The following CDH18 variants were observed in gnomAD, a reference collection of about 807,000 sequenced individuals.
CDH18 encodes cadherin-18.
A neutral mutation model predicts 67.9 loss-of-function variants in CDH18; 31 were observed. That is an observed-to-expected ratio of 0.46 (90% CI 0.34 to 0.62). CDH18 has a LOEUF of 0.62. Ranked by LOEUF, CDH18 falls within the 20% of genes least tolerant of loss-of-function variation. The pLI is 0.01. For synonymous variants in CDH18, 362 were observed against 347.2 expected (o/e 1.04, Z -0.48); for missense variants, 890 against 975.5 (o/e 0.91, Z 1.17).
At chr5:20,090,367 T>C (rs1745313668) in intron 2 of CDH18, among the ~76,000 whole-genome samples, 1 of 152,028 alleles carries the variant, frequency 6.6e-6, no homozygotes, top group Non-Finnish European at 1.5e-5. Context: ...AAACCCCGTC[T>C]CTACCAAAAA....
At chr5:20,519,891 T>C (rs760123803) in intron 1 of CDH18, among the ~76,000 whole-genome samples, 6 of 150,916 alleles carry the variant, frequency 4.0e-5, no homozygotes, top group Admixed American at 2.0e-4. Context: ...TTATTTTTAT[T>C]TGGACAGGGT....
rs536106374 is a variant in CDH18, at chr5:20,421,240, G to A, written c.-580+154222C>T. 4.0e-5 allele frequency among the ~76,000 whole-genome samples: 6 copies of A among 151,198 alleles called. No individual in the cohort carries two copies. In the East Asian group the frequency reaches 1.2e-3, roughly 29 times the overall value. On this transcript the variant is annotated intron_variant, in intron 1 of 14. Coordinates refer to the CDH18 transcript ENST00000507958. ...AGCAGGGATGAGGAGCAGCTTAAAA[G>A]CTCTTGCACTTCCGCTATCAGAGAA...
At chr5:20,035,798 G>C (rs1739810551) in intron 2 of CDH18, among the ~76,000 whole-genome samples, 1 of 151,996 alleles carries the variant, frequency 6.6e-6, no homozygotes, top group African/African-American at 2.4e-5. Flanking sequence ...AACTTGCTGA[G>C]AGTGATTGAG....
chr5:19,712,401 T>C (rs548388365), intron 5 of CDH18, among the ~76,000 whole-genome samples: 4 of 152,062 alleles, frequency 2.6e-5, no homozygotes, highest in East Asian at 1.9e-4. Context: ...GAAGCCCTTA[T>C]AGAGCTCTCA....
chr5:20,138,866 T>C (rs1425117902), intron 2 of CDH18, among the ~76,000 whole-genome samples: 1 of 152,064 alleles, frequency 6.6e-6, no homozygotes, highest in Non-Finnish European at 1.5e-5. Flanking sequence ...GAAGAATCAA[T>C]ATCGTGAAAA....
At chr5:20,231,867 ATGTC>A (rs1419071103) in intron 2 of CDH18, among the ~76,000 whole-genome samples, 1 of 152,074 alleles carries the variant, frequency 6.6e-6, no homozygotes, top group African/African-American at 2.4e-5. Context: ...TAATACATGA[ATGTC>A]TGTACTATAA....
At chr5:20,537,435 A>G (rs1413350281) in intron 1 of CDH18, among the ~76,000 whole-genome samples, 1 of 152,176 alleles carries the variant, frequency 6.6e-6, no homozygotes, top group Non-Finnish European at 1.5e-5. Flanking sequence ...CTATTACTTA[A>G]TGTTTACACA....
intron 2 of CDH18, among the ~76,000 whole-genome samples, chr5:19,860,438 T>A (rs1784771640): frequency 1.3e-5 from 2 of 151,842 alleles, no homozygotes; most frequent in Admixed American, 1.3e-4. Context: ...TTCTTCTTTT[T>A]TTTTTTTCCT....
chr5:19,619,146 G>C (rs566154793), intron 5 of CDH18, among the ~76,000 whole-genome samples: 1 of 151,956 alleles, frequency 6.6e-6, no homozygotes, highest in African/African-American at 2.4e-5. Flanking sequence ...GACATTTAAC[G>C]GATGCATATC....
At chr5:20,172,256 A>ATC (rs1736896035) in intron 2 of CDH18, among the ~76,000 whole-genome samples, 1 of 130,032 alleles carries the variant, frequency 7.7e-6, no homozygotes, top group African/African-American at 2.8e-5. Context: ...ATATATATAT[A>ATC]TCTCCTCTCT....
At chr5:20,365,774 G>A (rs559879293) in intron 1 of CDH18, among the ~76,000 whole-genome samples, 27 of 152,062 alleles carry the variant, frequency 1.8e-4, no homozygotes, top group African/African-American at 6.0e-4. Flanking sequence ...CATAATCCTG[G>A]TAATCATCAG....
chr5:19,837,435 G>T (rs1357482769), intron 3 of CDH18, among the ~76,000 whole-genome samples: 1 of 151,876 alleles, frequency 6.6e-6, no homozygotes, highest in Non-Finnish European at 1.5e-5. Context: ...GGATTTTGAA[G>T]TTCATAACCC....
At chr5:19,977,057 T>C (rs1798573584) in intron 2 of CDH18, among the ~76,000 whole-genome samples, 1 of 152,156 alleles carries the variant, frequency 6.6e-6, no homozygotes, top group African/African-American at 2.4e-5. Flanking sequence ...AGTTTGTAGA[T>C]ATTTCAACTC....
chr5:19,925,978 A>C (rs965203194), intron 2 of CDH18, among the ~76,000 whole-genome samples: 1 of 152,166 alleles, frequency 6.6e-6, no homozygotes, highest in Non-Finnish European at 1.5e-5. Context: ...ATTCGTGTTT[A>C]TTTTATAGTA....
chr5:19,588,652 A>G (rs1744603909), intron 7 of CDH18, among the ~76,000 whole-genome samples: 1 of 152,068 alleles, frequency 6.6e-6, no homozygotes, highest in Admixed American at 6.6e-5. Flanking sequence ...TGTTTTCAAA[A>G]GACCCATCTC....
At chr5:20,042,992 A>T (rs1351878809) in intron 2 of CDH18, among the ~76,000 whole-genome samples, 1 of 152,060 alleles carries the variant, frequency 6.6e-6, no homozygotes, top group Non-Finnish European at 1.5e-5. Flanking sequence ...TAATTAATTA[A>T]AATAAAACAT....
At position 20,305,607 on chromosome 5, in the gene CDH18, G is replaced by A. The variant is rs1356172672; in HGVS notation, c.-579-50102C>T. On this transcript the variant is annotated intron_variant, in intron 1 of 14. Transcript: ENST00000507958. ...TGCGCTGCGGGCCTCAGAGGACTTGGTGCTCGGCAAACCCAGAGACTCAAA... is the reference window on the plus strand; with the variant it reads ...TGCGCTGCGGGCCTCAGAGGACTTGATGCTCGGCAAACCCAGAGACTCAAA... 3 of 539,746 alleles carry A rather than the reference G, an allele frequency of 5.6e-6. No individual in the cohort carries two copies. The Admixed American group carries it at 9.7e-5, about 17-fold the overall frequency. 33.4% of individuals were successfully genotyped at this position (539,746 alleles called of 1,614,324 possible).
chr5:20,340,657 G>T (rs1740178433), intron 1 of CDH18, among the ~76,000 whole-genome samples: 1 of 152,078 alleles, frequency 6.6e-6, no homozygotes, highest in Non-Finnish European at 1.5e-5. Flanking sequence ...AGCTCCAATG[G>T]CTCAGACTGC....
intron 1 of CDH18, among the ~76,000 whole-genome samples, chr5:20,555,272 C>A (rs777601106): frequency 6.6e-6 from 1 of 152,016 alleles, no homozygotes; most frequent in Non-Finnish European, 1.5e-5. Context: ...TGAAATCTGC[C>A]AGTAAATTAA....
Sources: gnomAD v4.1 joint callset for allele counts (sites outside exome capture counted in the v4.1 genomes callset) on GRCh38, gnomAD v4.1.1 for gene constraint, MANE v1.5 for transcripts, NCBI Gene and HGNC (gene_info 2026-07-23, HGNC 2026-07-21) for gene names.